Variants in EXOC2 observed in about 807,000 individuals in gnomAD.
The protein encoded by EXOC2 is SEC5-like 1.
In EXOC2, 70 loss-of-function variants were observed where a neutral mutation model predicts 131.8. The observed-to-expected ratio is 0.53, with a 90% CI of 0.44 to 0.65. The LOEUF (loss-of-function observed/expected upper bound fraction) is 0.65, where lower values mean the gene tolerates loss of function less well. Ranked by LOEUF, EXOC2 falls within the 30% of genes least tolerant of loss-of-function variation. The probability of loss-of-function intolerance (pLI) is 0.00; values close to 1 mark genes in which losing one functional copy is unlikely to be tolerated. For synonymous variants in EXOC2, 411 were observed against 398.4 expected, an observed-to-expected ratio of 1.03 and a Z score of -0.38; for missense variants, 923 against 1,108.6, an observed-to-expected ratio of 0.83 and a Z score of 2.38.
At chr6:543,401 C>A (rs569545609) in intron 22 of EXOC2, among the ~76,000 whole-genome samples, 1 of 152,240 alleles carries the variant, frequency 6.6e-6, no homozygotes, top group East Asian at 1.9e-4. Flanking sequence ...TATGTGGAAT[C>A]TACAAAAGTC....
chr6:597,181 A>AT (rs940424456), intron 10 of EXOC2, among the ~76,000 whole-genome samples: 27 of 148,494 alleles, frequency 1.8e-4, no homozygotes, highest in African/African-American at 5.2e-4. Context: ...ATCACTGCAA[A>AT]TTTTTTTTTT....
chr6:653,470 T>G (rs1287238146), intron 1 of EXOC2, among the ~76,000 whole-genome samples: 4 of 152,186 alleles, frequency 2.6e-5, no homozygotes, highest in Non-Finnish European at 4.4e-5. Context: ...GTGATCTAGA[T>G]TGAAGATAAA....
chr6:618,986 G>A (rs1761149359), intron 5 of EXOC2, among the ~76,000 whole-genome samples: 1 of 151,964 alleles, frequency 6.6e-6, no homozygotes, highest in African/African-American at 2.4e-5. Context: ...CTACTTTTTT[G>A]CTAATTTTAA....
intron 1 of EXOC2, among the ~76,000 whole-genome samples, chr6:685,228 C>T (rs1013917042): frequency 6.6e-6 from 1 of 152,110 alleles, no homozygotes; most frequent in Admixed American, 6.5e-5. Context: ...ACAAATCAAG[C>T]AGAATCTCAG....
At chr6:656,738 T>G (rs976289897) in intron 1 of EXOC2, 2 of 1,591,586 alleles carry the variant, frequency 1.3e-6, no homozygotes, top group African/African-American at 1.3e-5. Flanking sequence ...CCGAGACACC[T>G]TCCATGCGAA....
intron 1 of EXOC2, among the ~76,000 whole-genome samples, chr6:662,982 CTT>C (rs1763486717): frequency 1.3e-5 from 2 of 151,470 alleles, no homozygotes; most frequent in African/African-American, 4.8e-5. Flanking sequence ...CAGAGCAAGA[CTT>C]TGTCTCAAAA....
intron 25 of EXOC2, among the ~76,000 whole-genome samples, 182 bp downstream of exon 25, chr6:497,183 CAG>C (rs1250096636): frequency 2.0e-5 from 3 of 152,200 alleles, no homozygotes; most frequent in African/African-American, 7.2e-5. Context: ...TGTAAAGAAA[CAG>C]AAACTCTGAA....
At chr6:524,834 A>G (rs975610025) in intron 23 of EXOC2, 5 of 152,146 alleles carry the variant, frequency 3.3e-5, no homozygotes, top group African/African-American at 9.7e-5. Flanking sequence ...ATTTTCCCAC[A>G]TATCAACCAT....
At chr6:630,281 C>G (rs113506539) in intron 3 of EXOC2, among the ~76,000 whole-genome samples, 15 of 152,216 alleles carry the variant, frequency 9.9e-5, no homozygotes, top group Non-Finnish European at 2.1e-4. Context: ...ATAAACACTA[C>G]AATTAAACAT....
At chr6:637,629 T>C in intron 2 of EXOC2, 72 bp downstream of exon 2, 1 of 1,186,808 alleles carries the variant, frequency 8.4e-7, no homozygotes, top group East Asian at 2.4e-5. Context: ...TGTTTGAAAA[T>C]TACATATCTT....
At chr6:585,032 T>G (rs1196611175) in intron 11 of EXOC2, among the ~76,000 whole-genome samples, 1 of 152,218 alleles carries the variant, frequency 6.6e-6, no homozygotes, top group Non-Finnish European at 1.5e-5. Flanking sequence ...TTGGACCTAT[T>G]TCACAGGAAT....
At position 556,334 on chromosome 6, in the gene EXOC2, G is replaced by A. The variant is rs1233591372; in HGVS notation, c.1932+150C>T. The A allele has an allele frequency of 2.4e-5, 20 of 833,978 alleles. 1 individual carries two copies. In the South Asian group the frequency reaches 2.4e-4, roughly 10 times the overall value. The allele number at this position is 833,978 out of a possible 1,614,324, so 51.7% of individuals were successfully genotyped here. On this transcript the variant is annotated intron_variant, in intron 18 of 27. Coordinates refer to ENST00000230449, the MANE Select transcript of EXOC2 (RefSeq NM_018303.6). ...ACTTGCATCGGCCTGGCTTGGAATC[G>A]GAAATCAGCACATCTACGCAGTTAA... is the stretch of plus-strand genomic sequence containing the variant.
chr6:678,067 G>A (rs964188968), intron 1 of EXOC2, among the ~76,000 whole-genome samples: 22 of 152,140 alleles, frequency 1.4e-4, no homozygotes, highest in African/African-American at 3.9e-4. Flanking sequence ...CCGTGAGCAC[G>A]CAATGAGAGA....
intron 1 of EXOC2, among the ~76,000 whole-genome samples, chr6:661,852 C>A (rs553759256): frequency 5.9e-5 from 9 of 152,184 alleles, no homozygotes; most frequent in Non-Finnish European, 8.8e-5. Context: ...TTAAAAGATA[C>A]AGAACCACAG....
chr6:496,171 C>T (rs1353356259), intron 25 of EXOC2, among the ~76,000 whole-genome samples: 1 of 152,080 alleles, frequency 6.6e-6, no homozygotes, highest in Non-Finnish European at 1.5e-5. Flanking sequence ...AATTCCAATA[C>T]CTGGGTCATC....
intron 1 of EXOC2, among the ~76,000 whole-genome samples, chr6:671,900 ATTT>A (rs1289488574): frequency 1.3e-5 from 2 of 151,858 alleles, no homozygotes; most frequent in Admixed American, 6.6e-5. Context: ...CTAAGTGTAG[ATTT>A]TTTATTTTTT....
At chr6:583,915 G>A (rs1759058153) in intron 11 of EXOC2, among the ~76,000 whole-genome samples, 1 of 152,172 alleles carries the variant, frequency 6.6e-6, no homozygotes, top group Non-Finnish European at 1.5e-5. Context: ...TCATATCTGT[G>A]CTCGCTGCAG....
chr6:664,526 T>G (rs1561990001), intron 1 of EXOC2, among the ~76,000 whole-genome samples: 1 of 152,208 alleles, frequency 6.6e-6, no homozygotes, highest in Admixed American at 6.5e-5. Flanking sequence ...TCACACTACC[T>G]GATTTCAAAC....
chr6:657,790 T>C (rs990067544), intron 1 of EXOC2, among the ~76,000 whole-genome samples: 3 of 151,794 alleles, frequency 2.0e-5, no homozygotes, highest in African/African-American at 7.3e-5. Flanking sequence ...AAATTCAACT[T>C]GCACTGTGTG....
Sources: allele counts gnomAD v4.1 joint callset (sites outside exome capture counted in the v4.1 genomes callset), GRCh38; gene constraint gnomAD v4.1.1; transcripts MANE v1.5; gene names NCBI Gene and HGNC (gene_info 2026-07-23, HGNC 2026-07-21).